PRR16: variants seen among roughly 807,000 people sequenced by gnomAD.
PRR16 encodes the protein protein Largen.
In PRR16, 6 loss-of-function variants were observed where a neutral mutation model predicts 18.2. The observed-to-expected ratio is 0.33, with a 90% CI of 0.18 to 0.65. PRR16 has a LOEUF of 0.65. PRR16 is among the 30% of genes least tolerant of loss of function. PRR16 has a pLI of 0.74. For missense variants in PRR16, 412 were observed against 376.6 expected (o/e 1.09, Z -0.78); for synonymous variants, 151 against 147.8 (o/e 1.02, Z -0.16).
chr5:120,495,179 A>G (rs142295949), intron 1 of PRR16, among the ~76,000 whole-genome samples: 243 of 152,252 alleles, frequency 1.6e-3, no homozygotes, highest in Middle Eastern at 6.8e-3. Context: ...AAACTTTACA[A>G]TGTTAAATCT....
At chr5:120,530,391 A>G (rs1226654303) in intron 1 of PRR16, among the ~76,000 whole-genome samples, 1 of 150,500 alleles carries the variant, frequency 6.6e-6, no homozygotes, top group African/African-American at 2.4e-5. Context: ...ATGAATGTCA[A>G]TAATTCTCTA....
intron 1 of PRR16, among the ~76,000 whole-genome samples, chr5:120,624,375 A>T (rs922559040): frequency 1.3e-5 from 2 of 152,168 alleles, no homozygotes; most frequent in African/African-American, 4.8e-5. Flanking sequence ...GTGATTAAAG[A>T]GTATTGGTAT....
chr5:120,598,923 G>A (rs1753897609), intron 1 of PRR16, among the ~76,000 whole-genome samples: 2 of 151,556 alleles, frequency 1.3e-5, no homozygotes, highest in East Asian at 1.9e-4. Flanking sequence ...AGAATTTTTT[G>A]TTCATCTTTT....
intron 1 of PRR16, among the ~76,000 whole-genome samples, chr5:120,628,871 A>G (rs1356490136): frequency 6.6e-6 from 1 of 152,058 alleles, no homozygotes; most frequent in Non-Finnish European, 1.5e-5. Flanking sequence ...TATGTCACTT[A>G]AAGAGATACT....
chr5:120,664,012 A>C (rs1013736639), intron 1 of PRR16, among the ~76,000 whole-genome samples: 2 of 152,088 alleles, frequency 1.3e-5, no homozygotes, highest in African/African-American at 4.8e-5. Context: ...AAACTGGACA[A>C]ATCTGGCCGG....
chr5:120,645,299 A>C (rs1335674251), intron 1 of PRR16, among the ~76,000 whole-genome samples: 1 of 151,950 alleles, frequency 6.6e-6, no homozygotes, highest in African/African-American at 2.4e-5. Context: ...GGTACTGTAT[A>C]ATACATGAAA....
intron 1 of PRR16, among the ~76,000 whole-genome samples, chr5:120,680,558 G>A (rs1426308373): frequency 1.3e-5 from 2 of 152,034 alleles, no homozygotes; most frequent in Non-Finnish European, 2.9e-5. Flanking sequence ...CCTGGCGTTC[G>A]AGGCTGTGTT....
chr5:120,506,771 GT>G (rs1420823967), intron 1 of PRR16, among the ~76,000 whole-genome samples: 3 of 151,728 alleles, frequency 2.0e-5, no homozygotes, highest in Non-Finnish European at 4.4e-5. Flanking sequence ...ATCTCTATGT[GT>G]CACATCAGTT....
At chr5:120,674,892 T>A (rs1756742277) in intron 1 of PRR16, among the ~76,000 whole-genome samples, 1 of 151,968 alleles carries the variant, frequency 6.6e-6, no homozygotes. Context: ...TTAATATTTT[T>A]AAAATTTAAC....
intron 1 of PRR16, among the ~76,000 whole-genome samples, chr5:120,576,881 T>C (rs940170148): frequency 6.6e-6 from 1 of 152,130 alleles, no homozygotes; most frequent in Non-Finnish European, 1.5e-5. Context: ...TATAATTGTG[T>C]GAACTAATTT....
chr5:120,549,955 G>T (rs1453583701), intron 1 of PRR16, among the ~76,000 whole-genome samples: 3 of 151,996 alleles, frequency 2.0e-5, no homozygotes, highest in Non-Finnish European at 4.4e-5. Context: ...CATAAACATG[G>T]TAAAGGATGA....
the PRR16 span, among the ~76,000 whole-genome samples, chr5:120,791,301 T>C: frequency 6.6e-6 from 1 of 152,098 alleles, no homozygotes; most frequent in Non-Finnish European, 1.5e-5. Flanking sequence ...AGTATAAAAT[T>C]GTGCTTTCTG....
intron 1 of PRR16, among the ~76,000 whole-genome samples, chr5:120,654,338 T>G (rs1254764364): frequency 1.3e-5 from 2 of 152,124 alleles, no homozygotes; most frequent in African/African-American, 4.8e-5. Context: ...ATTTTTTTGT[T>G]TCTACCCCCA....
At chr5:120,756,690 T>G in the PRR16 span, among the ~76,000 whole-genome samples, 1 of 152,092 alleles carries the variant, frequency 6.6e-6, no homozygotes, top group African/African-American at 2.4e-5. Context: ...CTTTTTATAT[T>G]AGACCTTTGT....
intron 1 of PRR16, among the ~76,000 whole-genome samples, chr5:120,668,765 G>C (rs897554148): frequency 7.2e-5 from 11 of 152,100 alleles, no homozygotes; most frequent in African/African-American, 2.2e-4. Flanking sequence ...TTTTCTTTAA[G>C]AATGTTGAAT....
At chr5:120,613,283 T>TA (rs1299434198) in intron 1 of PRR16, among the ~76,000 whole-genome samples, 3 of 152,134 alleles carry the variant, frequency 2.0e-5, no homozygotes, top group African/African-American at 7.2e-5. Flanking sequence ...TGGTATTTTA[T>TA]AAAAAAGAAA....
chr5:120,514,530 A>G (rs1388175916), intron 1 of PRR16, among the ~76,000 whole-genome samples: 3 of 152,230 alleles, frequency 2.0e-5, no homozygotes, highest in Admixed American at 1.3e-4. Flanking sequence ...AAAAGAAGTC[A>G]TGTAGTAAGT....
intron 1 of PRR16, among the ~76,000 whole-genome samples, chr5:120,588,562 T>C (rs941593338): frequency 6.6e-6 from 1 of 152,234 alleles, no homozygotes; most frequent in Non-Finnish European, 1.5e-5. Flanking sequence ...AAATAAAGTA[T>C]TTTTAATTAA....
At chr5:120,707,226 G>A in the PRR16 span, among the ~76,000 whole-genome samples, 3 of 152,190 alleles carry the variant, frequency 2.0e-5, no homozygotes, top group East Asian at 5.8e-4. Flanking sequence ...CTTACTAAGA[G>A]CCTGAGGCTT....
Sources: gnomAD v4.1 joint callset for allele counts (sites outside exome capture counted in the v4.1 genomes callset) on GRCh38, gnomAD v4.1.1 for gene constraint, MANE v1.5 for transcripts, NCBI Gene and HGNC (gene_info 2026-07-23, HGNC 2026-07-21) for gene names.